CBFA2T2: variants seen among roughly 807,000 people sequenced by gnomAD.
CBFA2T2 encodes protein CBFA2T2.
Under a neutral mutation model 62.2 loss-of-function variants are expected in CBFA2T2, and 11 were observed. The ratio of observed to expected loss-of-function variants is 0.18; its 90% CI spans 0.11 to 0.29. The LOEUF (loss-of-function observed/expected upper bound fraction) is 0.29, where lower values mean the gene tolerates loss of function less well. Ranked by LOEUF, CBFA2T2 falls within the 10% of genes least tolerant of loss-of-function variation. CBFA2T2 has a pLI of 1.00. For synonymous variants in CBFA2T2, 295 were observed against 287.5 expected, an observed-to-expected ratio of 1.03 and a Z score of -0.27; for missense variants, 592 against 774.1, an observed-to-expected ratio of 0.76 and a Z score of 2.79.
chr20:33,532,362 G>C (rs2012085532), intron 1 of CBFA2T2, among the ~76,000 whole-genome samples: 3 of 152,206 alleles, frequency 2.0e-5, no homozygotes, highest in Non-Finnish European at 4.4e-5. Flanking sequence ...GTTGACATTT[G>C]AGTTTACAGC....
At chr20:33,523,856 G>C (rs2011805395) in intron 1 of CBFA2T2, among the ~76,000 whole-genome samples, 1 of 152,026 alleles carries the variant, frequency 6.6e-6, no homozygotes, top group Admixed American at 6.6e-5. Flanking sequence ...GGCTAATTTT[G>C]TATTTTTAGC....
chr20:33,594,230 C>CA lies in CBFA2T2; in HGVS notation c.35-12726_35-12725insA, dbSNP rs1555841049. ...ATTTACTGCTATATTTCTTTCTTTT[C>CA]TTTTTTTTTGAGACGGAGTCTCACT... On this transcript the variant is annotated intron_variant, in intron 1 of 10. Coordinates refer to ENST00000342704, the MANE Select transcript of CBFA2T2 (RefSeq NM_001032999.3). 3.7e-4 allele frequency among the ~76,000 whole-genome samples: 56 copies of CA among 151,372 alleles called. 1 individual carries two copies. The highest frequency in any genetic ancestry group is 1.3e-3 in the African/African-American group (55 of 41,278).
At chr20:33,582,753 C>T (rs568285376) in intron 1 of CBFA2T2, among the ~76,000 whole-genome samples, 13 of 152,204 alleles carry the variant, frequency 8.5e-5, no homozygotes, top group Non-Finnish European at 1.8e-4. Flanking sequence ...ACTAGCCTGG[C>T]CAACATGGCA....
chr20:33,601,763 A>G (rs1372109269), intron 1 of CBFA2T2: 1 of 151,926 alleles, frequency 6.6e-6, no homozygotes, highest in Non-Finnish European at 1.5e-5. Context: ...TCTACCCCAC[A>G]CAGCATAGAT....
intron 1 of CBFA2T2, among the ~76,000 whole-genome samples, chr20:33,502,055 A>G (rs2011295094): frequency 6.6e-6 from 1 of 152,180 alleles, no homozygotes; most frequent in South Asian, 2.1e-4. Flanking sequence ...CTCCGAAAGT[A>G]CTGGGATCAC....
intron 1 of CBFA2T2, among the ~76,000 whole-genome samples, chr20:33,568,779 G>T (rs1200831966): frequency 2.0e-5 from 3 of 152,084 alleles, no homozygotes; most frequent in African/African-American, 7.2e-5. Flanking sequence ...TTCCATATGG[G>T]TCTATGCAAA....
intron 1 of CBFA2T2, among the ~76,000 whole-genome samples, chr20:33,537,434 G>A (rs1228465976): frequency 1.3e-5 from 2 of 152,246 alleles, no homozygotes; most frequent in African/African-American, 2.4e-5. Flanking sequence ...CGAGATGGCA[G>A]CAGTACAGTC....
intron 1 of CBFA2T2, among the ~76,000 whole-genome samples, chr20:33,544,487 C>T (rs1158164757): frequency 6.6e-6 from 1 of 152,130 alleles, no homozygotes; most frequent in Non-Finnish European, 1.5e-5. Context: ...TTTGTCTCCT[C>T]TTGCTAGTTT....
chr20:33,617,255 C>G (rs1229402186), intron 3 of CBFA2T2, among the ~76,000 whole-genome samples: 2 of 152,048 alleles, frequency 1.3e-5, no homozygotes, highest in East Asian at 3.9e-4. Context: ...AATTTTTAAG[C>G]AAATACGTCT....
At chr20:33,622,362 G>T (rs1333426291) in intron 4 of CBFA2T2, among the ~76,000 whole-genome samples, 2 of 152,124 alleles carry the variant, frequency 1.3e-5, no homozygotes, top group African/African-American at 4.8e-5. Flanking sequence ...TTGGGATTAA[G>T]CCTTTGCTTA....
At chr20:33,575,313 G>A (rs75869710) in intron 1 of CBFA2T2, among the ~76,000 whole-genome samples, 4,771 of 152,272 alleles carry the variant, frequency 0.031, 112 homozygotes, top group Non-Finnish European at 0.047. Context: ...TTACCCTGCT[G>A]TTTAAAATTA....
At chr20:33,548,801 C>T (rs1485352692) in intron 1 of CBFA2T2, among the ~76,000 whole-genome samples, 2 of 151,944 alleles carry the variant, frequency 1.3e-5, no homozygotes, top group Admixed American at 6.6e-5. Context: ...ACCCTTCCCC[C>T]GAAAAAAAGC....
rs78835183 is a variant in CBFA2T2 at position 33,633,991 on chromosome 20, C to T, written c.1229-2649C>T. Among the ~76,000 whole-genome samples the T allele has an allele frequency of 2.2e-4, 33 of 152,122 alleles. No individual in the cohort carries two copies. In the East Asian group the frequency reaches 2.5e-3, roughly 12 times the overall value. ...TTTGTTTGTTTGTTTTTGTTTGAAA[C>T]GGAGTCTCGCTCTGTCACCTAGGCT... On this transcript the variant is annotated intron_variant, in intron 8 of 10. Coordinates refer to ENST00000342704, the MANE Select transcript of CBFA2T2 (RefSeq NM_001032999.3).
intron 5 of CBFA2T2, chr20:33,623,675 A>C (rs955634124): frequency 4.7e-6 from 3 of 642,360 alleles, no homozygotes; most frequent in Non-Finnish European, 8.5e-6. Context: ...GCCCGCCTCA[A>C]CCTCCCAAAG....
chr20:33,642,909 A>C (rs2016907898), intron 10 of CBFA2T2, among the ~76,000 whole-genome samples: 1 of 152,152 alleles, frequency 6.6e-6, no homozygotes, highest in South Asian at 2.1e-4. Context: ...AGGAATTGTA[A>C]TTTTAAATAA....
intron 1 of CBFA2T2, chr20:33,574,021 T>C (rs1200224900): frequency 8.9e-7 from 1 of 1,129,140 alleles, no homozygotes. Context: ...ACTCCTGGGC[T>C]AAAGCGATCT....
At chr20:33,567,162 G>A (rs2013355952) in intron 1 of CBFA2T2, among the ~76,000 whole-genome samples, 1 of 152,210 alleles carries the variant, frequency 6.6e-6, no homozygotes, top group Admixed American at 6.5e-5. Context: ...GACACAGATT[G>A]ATACTGGGGA....
chr20:33,550,029 A>T (rs1279708261), intron 1 of CBFA2T2, among the ~76,000 whole-genome samples: 2 of 152,196 alleles, frequency 1.3e-5, no homozygotes, highest in Non-Finnish European at 2.9e-5. Flanking sequence ...TACCTGTCTT[A>T]TAGAATTTGG....
Position 33,492,908 on chromosome 20 carries a change from C to T in CBFA2T2, c.34+2607C>T, listed in dbSNP as rs187498330. ...GAGGAGCTGGGATTACAGGTGCTCA[C>T]CACCATGCCTGGCTAATTTTTTTTT... On this transcript the variant is annotated intron_variant, in intron 1 of 10. Coordinates refer to ENST00000342704, the MANE Select transcript of CBFA2T2 (RefSeq NM_001032999.3). Among the ~76,000 whole-genome samples, 3 of 152,058 alleles carry T rather than the reference C, an allele frequency of 2.0e-5. No individual in the cohort carries two copies. In the East Asian group the frequency reaches 5.8e-4, roughly 29 times the overall value.
Sources: gnomAD v4.1 joint callset for allele counts (sites outside exome capture counted in the v4.1 genomes callset) on GRCh38, gnomAD v4.1.1 for gene constraint, MANE v1.5 for transcripts, NCBI Gene and HGNC (gene_info 2026-07-23, HGNC 2026-07-21) for gene names.